The following ARMC2 variants were observed in gnomAD, a reference collection of about 807,000 sequenced individuals.
ARMC2 encodes armadillo repeat containing 2, also known as armadillo repeat-containing protein 2.
A neutral mutation model predicts 90.3 loss-of-function variants in ARMC2; 67 were observed. The ratio of observed to expected loss-of-function variants is 0.74; its 90% CI spans 0.61 to 0.91. The LOEUF (loss-of-function observed/expected upper bound fraction) is 0.91. Ranked by LOEUF, ARMC2 falls within the 40% of genes least tolerant of loss-of-function variation. The probability of loss-of-function intolerance (pLI) is 0.00; values close to 1 mark genes in which losing one functional copy is unlikely to be tolerated. For synonymous variants in ARMC2, 393 were observed against 393.0 expected (o/e 1.00, Z 0.00); for missense variants, 920 against 1,030.9 (o/e 0.89, Z 1.47).
intron 3 of ARMC2, among the ~76,000 whole-genome samples, chr6:108,862,745 C>T (rs1775405235): frequency 6.6e-6 from 1 of 152,108 alleles, no homozygotes; most frequent in South Asian, 2.1e-4. Context: ...GACACATTTG[C>T]TGAAAGAGTT....
chr6:108,905,531 GAGTGAGGA>G (rs1772594468), intron 8 of ARMC2, among the ~76,000 whole-genome samples: 1 of 144,858 alleles, frequency 6.9e-6, no homozygotes, highest in Admixed American at 6.9e-5. Context: ...AAGAGAGAAA[GAGTGAGGA>G]AAAAAAAAAA....
intron 13 of ARMC2, among the ~76,000 whole-genome samples, chr6:108,958,297 T>G (rs559678047): frequency 6.6e-6 from 1 of 152,288 alleles, no homozygotes; most frequent in African/African-American, 2.4e-5. Context: ...TATTTTATTA[T>G]GACAGGCCAA....
At chr6:108,860,487 C>G (rs1165666101) in intron 3 of ARMC2, among the ~76,000 whole-genome samples, 1 of 151,850 alleles carries the variant, frequency 6.6e-6, no homozygotes, top group Non-Finnish European at 1.5e-5. Flanking sequence ...ACGGTGAAAC[C>G]CAGTCTCTAC....
chr6:108,904,312 T>A lies in ARMC2; in HGVS notation c.930T>A (p.Phe310Leu). The change falls in exon 8 of 18, where the codon TTT (phenylalanine) becomes TTA (leucine). Residue 310 changes from phenylalanine (F) to leucine (L), a missense_variant. Coordinates refer to ENST00000392644, the MANE Select transcript of ARMC2 (RefSeq NM_032131.6). ...LEEGNMLGNK[F>L]KGRSILLKTL... is the part of the protein sequence containing the mutation. Reference sequence around the variant, plus strand: ...AAGGAAACATGCTTGGAAATAAATTTAAGGGAAGAAGTATTCTCCTGAAGA... The same window carrying A: ...AAGGAAACATGCTTGGAAATAAATTAAAGGGAAGAAGTATTCTCCTGAAGA... The A allele has an allele frequency of 6.2e-7, 1 of 1,613,974 alleles. No homozygotes were observed. Among genetic ancestry groups the A allele is most frequent in the Non-Finnish European group, 8.5e-7 (1 of 1,179,858 alleles).
intron 2 of ARMC2, among the ~76,000 whole-genome samples, chr6:108,857,381 A>G (rs752148209): frequency 3.9e-4 from 59 of 152,304 alleles, no homozygotes; most frequent in African/African-American, 1.4e-3. Context: ...TTGCAACCCT[A>G]CTATAATCAC....
the ARMC2 span, among the ~76,000 whole-genome samples, chr6:109,024,846 C>T: frequency 6.6e-6 from 1 of 152,218 alleles, no homozygotes; most frequent in Non-Finnish European, 1.5e-5. Context: ...ATGTGTGTTG[C>T]TTACACACCT....
rs143285777 is a variant in ARMC2, at chr6:108,896,389, A to G, written c.748+1846A>G. 4.2e-3 allele frequency among the ~76,000 whole-genome samples: 637 copies of G among 152,324 alleles called. 3 individuals carry two copies. The highest frequency in any genetic ancestry group is 0.014 in the African/African-American group (597 of 41,566). ...ATATTAGATTGTTGCCCAAGATTGA[A>G]ACAACCTTATTATTATTTGTGTGTT... On this transcript the variant is annotated intron_variant, in intron 6 of 17. Coordinates refer to ENST00000392644, the MANE Select transcript of ARMC2 (RefSeq NM_032131.6).
chr6:109,000,478 C>T, the ARMC2 span: 2 of 1,512,200 alleles, frequency 1.3e-6, no homozygotes, highest in Non-Finnish European at 1.8e-6. Context: ...AGATATATTA[C>T]CCCACTGCTT....
intron 17 of ARMC2, among the ~76,000 whole-genome samples, chr6:108,970,431 G>A (rs1396305605): frequency 6.6e-6 from 1 of 151,708 alleles, no homozygotes; most frequent in Non-Finnish European, 1.5e-5. Context: ...CCAGCAGCTT[G>A]GGAAAGAAGG....
At chr6:109,024,938 C>A in the ARMC2 span, among the ~76,000 whole-genome samples, 1 of 152,172 alleles carries the variant, frequency 6.6e-6, no homozygotes, top group African/African-American at 2.4e-5. Flanking sequence ...AATGGCCGAA[C>A]TGGCAAAGTA....
At chr6:108,906,063 T>G (rs952838103) in intron 8 of ARMC2, among the ~76,000 whole-genome samples, 4 of 152,164 alleles carry the variant, frequency 2.6e-5, no homozygotes, top group African/African-American at 9.7e-5. Flanking sequence ...GACTAAGAAG[T>G]TTTTTACAAC....
chr6:109,042,081 C>A, the ARMC2 span, among the ~76,000 whole-genome samples: 1 of 151,986 alleles, frequency 6.6e-6, no homozygotes, highest in Non-Finnish European at 1.5e-5. Context: ...CATTTGCAAA[C>A]TAAACACCAC....
At chr6:109,034,183 A>G in the ARMC2 span, among the ~76,000 whole-genome samples, 1 of 152,182 alleles carries the variant, frequency 6.6e-6, no homozygotes, top group Non-Finnish European at 1.5e-5. Flanking sequence ...ATTACTTAGC[A>G]CAGCATTTTT....
chr6:109,009,315 C>G, the ARMC2 span: 3 of 1,444,180 alleles, frequency 2.1e-6, no homozygotes, highest in Non-Finnish European at 2.7e-6. Flanking sequence ...GGGTGCCCAC[C>G]CGCCCAGGTA....
chr6:108,961,728 GCTC>G, intron 14 of ARMC2, 34 bp downstream of exon 14: 1 of 1,551,868 alleles, frequency 6.4e-7, no homozygotes, highest in Admixed American at 1.9e-5. Flanking sequence ...ATAAATGAGT[GCTC>G]ATTTGAAGTT....
the ARMC2 span, among the ~76,000 whole-genome samples, chr6:108,985,524 G>A: frequency 7.6e-4 from 115 of 152,296 alleles, 1 homozygote; most frequent in Middle Eastern, 6.8e-3. Flanking sequence ...GGAAGGCATT[G>A]AAACATTAAC....
Position 108,904,294 on chromosome 6 carries a change from C to CA in ARMC2, c.913dup (p.Met305AsnfsTer5). 1 of 1,613,822 alleles carries CA rather than the reference C, an allele frequency of 6.2e-7. No homozygotes were observed. ...TTCATCATGCTTTAGAGGAAGGAAACATGCTTGGAAATAAATTTAAGGGAA... is the reference window on the plus strand; with the variant it reads ...TTCATCATGCTTTAGAGGAAGGAAACAATGCTTGGAAATAAATTTAAGGGAA... On this transcript the variant is annotated frameshift_variant, in exon 8 of 18. Transcript: ENST00000392644. LOFTEE classifies it high-confidence loss of function.
the ARMC2 span, among the ~76,000 whole-genome samples, chr6:109,004,124 T>C: frequency 6.6e-6 from 1 of 151,992 alleles, no homozygotes; most frequent in Non-Finnish European, 1.5e-5. Flanking sequence ...TATAACATGC[T>C]TTACCCCACA....
At chr6:108,985,935 A>G in the ARMC2 span, among the ~76,000 whole-genome samples, 2 of 152,210 alleles carry the variant, frequency 1.3e-5, no homozygotes, top group African/African-American at 4.8e-5. Flanking sequence ...TTGTCTTCTC[A>G]TGAGAGTAAA....
Sources: allele counts gnomAD v4.1 joint callset (sites outside exome capture counted in the v4.1 genomes callset), GRCh38; gene constraint gnomAD v4.1.1; transcripts MANE v1.5; gene names NCBI Gene and HGNC (gene_info 2026-07-23, HGNC 2026-07-21).